Variants in GRID2 observed in about 807,000 individuals in gnomAD.
GRID2 encodes the protein glutamate ionotropic receptor delta type subunit 2, also known as glutamate receptor ionotropic, delta-2.
In GRID2, 33 loss-of-function variants were observed where a neutral mutation model predicts 114.8. That is an observed-to-expected ratio of 0.29 (90% confidence interval 0.22 to 0.38). The LOEUF is 0.38. Among genes scored for constraint, GRID2 ranks in the 10% least tolerant of loss-of-function variants. The probability of loss-of-function intolerance (pLI) is 1.00; values close to 1 mark genes in which losing one functional copy is unlikely to be tolerated. For missense variants in GRID2, 1,184 were observed against 1,257.7 expected, an observed-to-expected ratio of 0.94 and a Z score of 0.89; for synonymous variants, 505 against 449.9, an observed-to-expected ratio of 1.12 and a Z score of -1.55.
At chr4:92,715,767 G>T (rs1735515180) in intron 2 of GRID2, among the ~76,000 whole-genome samples, 1 of 152,110 alleles carries the variant, frequency 6.6e-6, no homozygotes, top group Admixed American at 6.6e-5. Context: ...GTATCACTAG[G>T]TCCCTCCCAC....
chr4:92,445,955 T>C (rs147369147), intron 1 of GRID2, among the ~76,000 whole-genome samples: 130 of 152,302 alleles, frequency 8.5e-4, no homozygotes, highest in African/African-American at 2.9e-3. Flanking sequence ...TTTTTGTTTG[T>C]TTGTTTTGAG....
intron 9 of GRID2, among the ~76,000 whole-genome samples, chr4:93,411,484 G>A (rs2149352899): frequency 6.6e-6 from 1 of 151,274 alleles, no homozygotes; most frequent in Admixed American, 6.6e-5. Flanking sequence ...ACATAGGCTG[G>A]AGTGCAATGC....
chr4:93,147,106 TA>T lies in GRID2; in HGVS notation c.735+36155del, dbSNP rs1483187617. ...TTTGATGAATTTTTTAACGTACTTA[TA>T]AGAGATCAAGTGGAATTTTTTCAGT... On this transcript the variant is annotated intron_variant, in intron 4 of 15. Transcript: ENST00000282020. Among the ~76,000 whole-genome samples the T allele has an allele frequency of 2.6e-5, 4 of 152,308 alleles. No individual in the cohort carries two copies. The East Asian group carries it at 7.7e-4, about 29-fold the overall frequency.
chr4:93,076,330 A>G (rs896727443), intron 2 of GRID2, among the ~76,000 whole-genome samples: 3 of 152,186 alleles, frequency 2.0e-5, no homozygotes, highest in Non-Finnish European at 4.4e-5. Flanking sequence ...AATCAGTGTC[A>G]GGTCATAAAG....
intron 3 of GRID2, among the ~76,000 whole-genome samples, chr4:93,106,505 C>T (rs1354129143): frequency 6.6e-6 from 1 of 152,100 alleles, no homozygotes; most frequent in African/African-American, 2.4e-5. Context: ...CACCACCACA[C>T]CCAGCTAATT....
intron 2 of GRID2, among the ~76,000 whole-genome samples, chr4:92,800,872 CA>C (rs955294016): frequency 2.0e-5 from 3 of 151,972 alleles, no homozygotes; most frequent in African/African-American, 7.2e-5. Flanking sequence ...AAACACAGAA[CA>C]GTGATTTCAA....
chr4:93,611,465 T>C (rs1462225515), intron 13 of GRID2, among the ~76,000 whole-genome samples: 3 of 128,912 alleles, frequency 2.3e-5, no homozygotes, highest in Admixed American at 7.8e-5. Flanking sequence ...GCTATAAATT[T>C]CCCTCTACAC....
chr4:92,956,683 T>A (rs1041831131), intron 2 of GRID2, among the ~76,000 whole-genome samples: 1 of 152,198 alleles, frequency 6.6e-6, no homozygotes, highest in African/African-American at 2.4e-5. Context: ...CAATGAGCAG[T>A]ATGGCTGGAT....
chr4:92,421,511 G>C (rs1240462247), intron 1 of GRID2, among the ~76,000 whole-genome samples: 2 of 152,138 alleles, frequency 1.3e-5, no homozygotes, highest in Non-Finnish European at 2.9e-5. Context: ...AAAGTTTGTA[G>C]AAAAGTCAGT....
chr4:92,902,926 A>G (rs1168539338), intron 2 of GRID2, among the ~76,000 whole-genome samples: 1 of 151,876 alleles, frequency 6.6e-6, no homozygotes, highest in African/African-American at 2.4e-5. Flanking sequence ...GTTGATTTTT[A>G]TACCAGTACC....
intron 8 of GRID2, among the ~76,000 whole-genome samples, chr4:93,387,180 G>A (rs1764400420): frequency 6.6e-6 from 1 of 152,118 alleles, no homozygotes; most frequent in African/African-American, 2.4e-5. Context: ...TTGTATGTTG[G>A]TGGTTCTCTT....
intron 8 of GRID2, among the ~76,000 whole-genome samples, chr4:93,300,989 A>C (rs1352933772): frequency 6.6e-6 from 1 of 152,216 alleles, no homozygotes; most frequent in African/African-American, 2.4e-5. Context: ...GTTGATTTTT[A>C]ACTACTGGGT....
At chr4:92,373,045 A>G (rs1469113783) in intron 1 of GRID2, among the ~76,000 whole-genome samples, 1 of 152,190 alleles carries the variant, frequency 6.6e-6, no homozygotes, top group Non-Finnish European at 1.5e-5. Context: ...TAGGTGCTTC[A>G]GCCAGAGAGT....
intron 2 of GRID2, among the ~76,000 whole-genome samples, chr4:92,703,104 G>A (rs978227408): frequency 6.6e-6 from 1 of 152,126 alleles, no homozygotes; most frequent in South Asian, 2.1e-4. Flanking sequence ...TAGCAAGGAA[G>A]ACTGCCTTGT....
chr4:93,017,650 A>G (rs964323668), intron 2 of GRID2, among the ~76,000 whole-genome samples: 1 of 151,770 alleles, frequency 6.6e-6, no homozygotes, highest in African/African-American at 2.4e-5. Flanking sequence ...TACTAGAAAT[A>G]CAAAAATTAA....
intron 1 of GRID2, among the ~76,000 whole-genome samples, chr4:93,785,364 A>C (rs981327995): frequency 2.0e-5 from 3 of 152,208 alleles, no homozygotes; most frequent in Non-Finnish European, 4.4e-5. Context: ...TGCCACTCAG[A>C]CCAGGGCTAG....
intron 14 of GRID2, among the ~76,000 whole-genome samples, chr4:93,728,444 GA>G (rs1345631364): frequency 6.6e-6 from 1 of 152,078 alleles, no homozygotes; most frequent in African/African-American, 2.4e-5. Context: ...GTGTGGTGCT[GA>G]AAAAAATGTA....
intron 8 of GRID2, among the ~76,000 whole-genome samples, chr4:93,325,801 G>T (rs1028094599): frequency 6.6e-6 from 1 of 151,852 alleles, no homozygotes; most frequent in Non-Finnish European, 1.5e-5. Flanking sequence ...GGAACCTTTT[G>T]TTCACTTTTG....
At chr4:93,680,128 C>G (rs1196102552) in intron 14 of GRID2, among the ~76,000 whole-genome samples, 1 of 151,448 alleles carries the variant, frequency 6.6e-6, no homozygotes, top group Non-Finnish European at 1.5e-5. Flanking sequence ...TACAAACTAC[C>G]ATCAGAGAAT....
Sources: gnomAD v4.1 joint callset for allele counts (sites outside exome capture counted in the v4.1 genomes callset) on GRCh38, gnomAD v4.1.1 for gene constraint, MANE v1.5 for transcripts, NCBI Gene and HGNC (gene_info 2026-07-23, HGNC 2026-07-21) for gene names.